CNNM1: variants seen among roughly 807,000 people sequenced by gnomAD.
CNNM1 encodes the protein metal transporter CNNM1.
A neutral mutation model predicts 78.8 loss-of-function variants in CNNM1; 44 were observed. The ratio of observed to expected loss-of-function variants is 0.56; its 90% confidence interval spans 0.44 to 0.72. CNNM1 has a LOEUF of 0.72. Ranked by LOEUF, CNNM1 falls within the 30% of genes least tolerant of loss-of-function variation. The pLI, the probability that CNNM1 is intolerant of heterozygous loss-of-function variation, is 0.00. For missense variants in CNNM1, 1,101 were observed against 1,292.2 expected (o/e 0.85, Z 2.27); for synonymous variants, 584 against 581.5 (o/e 1.00, Z -0.06).
intron 7 of CNNM1, among the ~76,000 whole-genome samples, chr10:99,383,692 C>T (rs151271070): frequency 0.011 from 1,701 of 152,220 alleles, 24 homozygotes; most frequent in Non-Finnish European, 0.018. Context: ...GTAGACATGG[C>T]GCATTCGAGG....
intron 1 of CNNM1, among the ~76,000 whole-genome samples, chr10:99,344,369 A>T (rs1410439900): frequency 2.0e-5 from 3 of 151,346 alleles, no homozygotes; most frequent in African/African-American, 7.3e-5. Flanking sequence ...GGGAATAGTG[A>T]TACTACATTG....
At chr10:99,369,810 A>G (rs2031742141) in intron 6 of CNNM1, among the ~76,000 whole-genome samples, 1 of 152,134 alleles carries the variant, frequency 6.6e-6, no homozygotes, top group Non-Finnish European at 1.5e-5. Flanking sequence ...TGAAATGCCA[A>G]TCTGGTGCCC....
In CNNM1 at chr10:99,368,054, G is replaced by T. The variant is rs540339845; in HGVS notation, c.2176+3052G>T. 3.9e-5 allele frequency among the ~76,000 whole-genome samples: 6 copies of T among 152,334 alleles called. No homozygotes were observed. In the East Asian group the frequency reaches 5.8e-4, roughly 15 times the overall value. ...TCACATTAACACTGCTAGAGATATTGTTCTTCCTTTATCCCTATCCTCTAG... is the reference window on the plus strand; with the variant it reads ...TCACATTAACACTGCTAGAGATATTTTTCTTCCTTTATCCCTATCCTCTAG... On this transcript the variant is annotated intron_variant, in intron 6 of 10. Transcript: ENST00000356713.
rs1190749679 is a variant in CNNM1, at chr10:99,330,298, C to T, written c.911C>T (p.Ser304Leu). 1.3e-6 allele frequency: 2 copies of T among 1,583,964 alleles called. No individual in the cohort carries two copies. The highest frequency in any genetic ancestry group is 2.3e-5 in the East Asian group (1 of 43,588). ...NAALAGWLYT[S>L]LPPGFGGTGE... is the part of the protein sequence containing the mutation. ...GCCCTGGCTGGCTGGCTGTACACCTCGCTGCCGCCGGGCTTCGGGGGCACC... is the reference window on the plus strand; with the variant it reads ...GCCCTGGCTGGCTGGCTGTACACCTTGCTGCCGCCGGGCTTCGGGGGCACC... The change falls in exon 1 of 11, where the codon TCG becomes TTG. Residue 304 changes from serine to leucine, a missense_variant. Coordinates refer to ENST00000356713, the MANE Select transcript of CNNM1 (RefSeq NM_020348.3).
rs772804893 is a variant in CNNM1 at position 99,357,537 on chromosome 10, G to A, written c.1599G>A (p.Gln533=). ...GAAAATCTCACCTGGCCATTGTCCA[G>A]CGGGTGAATAATGAGGGAGAAGGGG... ...KKGKSHLAIV[Q]RVNNEGEGDP... Residue 533 remains glutamine, a synonymous_variant, in exon 2 of 11, where the codon CAG becomes CAA. Transcript: ENST00000356713. The A allele has an allele frequency of 6.2e-7, 1 of 1,613,672 alleles. No homozygotes were observed. Among genetic ancestry groups the A allele is most frequent in the Non-Finnish European group, 8.5e-7 (1 of 1,179,740 alleles).
intron 6 of CNNM1, among the ~76,000 whole-genome samples, chr10:99,365,552 G>T (rs1350432454): frequency 3.3e-5 from 5 of 152,174 alleles, no homozygotes; most frequent in African/African-American, 9.7e-5. Context: ...GCTGTTGGTG[G>T]GGGGCAGGCA....
chr10:99,364,633 A>C, intron 5 of CNNM1, 117 bp downstream of exon 5: 2 of 826,084 alleles, frequency 2.4e-6, no homozygotes, highest in Non-Finnish European at 3.8e-6. Context: ...CAAGCCATTT[A>C]ACTTCCTTGG....
rs1850594331 is a variant in CNNM1 at position 99,330,633 on chromosome 10, A to G, written c.1246A>G (p.Asn416Asp). 6.2e-7 allele frequency: 1 copy of G among 1,613,924 alleles called. No individual in the cohort carries two copies. The change falls in exon 1 of 11, where the codon AAC becomes GAC. Residue 416 changes from asparagine to aspartate, a missense_variant. By Grantham distance (23) the Asn-to-Asp change is conservative. Transcript: ENST00000356713. Reference protein sequence around the residue: ...PYSDLVKEELNIIQGALELRT... With the variant: ...PYSDLVKEELDIIQGALELRT... ...CAGTGACCTGGTGAAGGAGGAGCTC[A>G]ACATCATACAGGGTGCCCTGGAGCT...
Position 99,377,029 on chromosome 10 carries a change from T to G in CNNM1, c.2177-26T>G, listed in dbSNP as rs2031985269. ...TCCTCCCCACCCATCCCTCCTTGTC[T>G]TTTCTCCATCTCTCACCATCTGCAG... On this transcript the variant is annotated intron_variant, in intron 6 of 10. Coordinates refer to ENST00000356713, the MANE Select transcript of CNNM1 (RefSeq NM_020348.3). 4 of 1,397,682 alleles carry G rather than the reference T, an allele frequency of 2.9e-6. No homozygotes were observed. The East Asian group carries it at 1.2e-4, about 43-fold the overall frequency. 86.6% of individuals were successfully genotyped at this position (1,397,682 alleles called of 1,614,324 possible).
In CNNM1 at chr10:99,392,677, A is replaced by G. The variant is rs2032506949; in HGVS notation, c.*1161A>G. The G allele has an allele frequency of 6.6e-6, 1 of 152,238 alleles. No individual in the cohort carries two copies. The highest frequency in any genetic ancestry group is 1.5e-5 in the Non-Finnish European group (1 of 68,066). 9.4% of individuals were successfully genotyped at this position (152,238 alleles called of 1,614,324 possible). On this transcript the variant is annotated 3_prime_UTR_variant, in exon 11 of 11. Coordinates refer to ENST00000356713, the MANE Select transcript of CNNM1 (RefSeq NM_020348.3). ...AGAGTGACCGCGCATACCTGCTTCC[A>G]AGAATAAAACAGTTCTGAAAAGCAA...
intron 6 of CNNM1, among the ~76,000 whole-genome samples, chr10:99,374,885 G>A (rs755936971): frequency 2.0e-5 from 3 of 152,180 alleles, no homozygotes; most frequent in Admixed American, 6.5e-5. Flanking sequence ...TTACTAATAT[G>A]TAATTAATAC....
chr10:99,354,287 T>C (rs2031052223), intron 1 of CNNM1, among the ~76,000 whole-genome samples: 1 of 152,184 alleles, frequency 6.6e-6, no homozygotes, highest in Admixed American at 6.5e-5. Context: ...TTGGCCAAAC[T>C]GGGTAGGATG....
Position 99,364,403 on chromosome 10 carries a change from T to C in CNNM1, c.2029-14T>C. 6.3e-7 allele frequency: 1 copy of C among 1,586,820 alleles called. No homozygotes were observed. ...ATACACATTCATAGTACACTTCCTT[T>C]TTTTTTTTTCCAGGGTAAAGTGGAG... On this transcript the variant is annotated splice_polypyrimidine_tract_variant and intron_variant, in intron 4 of 10. Transcript: ENST00000356713.
At chr10:99,339,325 A>G (rs1201051173) in intron 1 of CNNM1, among the ~76,000 whole-genome samples, 1 of 152,190 alleles carries the variant, frequency 6.6e-6, no homozygotes, top group Admixed American at 6.5e-5. Flanking sequence ...TGAGCTAGGC[A>G]GACATTATGG....
intron 1 of CNNM1, among the ~76,000 whole-genome samples, chr10:99,332,401 T>G (rs985978941): frequency 1.3e-5 from 2 of 152,162 alleles, no homozygotes; most frequent in African/African-American, 4.8e-5. Context: ...TAACTGCATT[T>G]TGTATAAATT....
chr10:99,356,592 G>GAAAGAAAGAAAGAAAGAAAGAAAGA, intron 1 of CNNM1, among the ~76,000 whole-genome samples: 2 of 124,282 alleles, frequency 1.6e-5, no homozygotes, highest in South Asian at 5.4e-4. Context: ...AAGAAAGAAA[G>GAAAGAAAGAAAGAAAGAAAGAAAGA]AAAGAAAGAA....
At chr10:99,354,307 C>T (rs1209263897) in intron 1 of CNNM1, among the ~76,000 whole-genome samples, 1 of 152,066 alleles carries the variant, frequency 6.6e-6, no homozygotes, top group African/African-American at 2.4e-5. Context: ...GTAGTTGTTT[C>T]CAAGAAGGAT....
At chr10:99,387,698 C>G (rs2134083158) in intron 7 of CNNM1, 122 bp from the exon 8 acceptor site, 1 of 968,526 alleles carries the variant, frequency 1.0e-6, no homozygotes, top group Non-Finnish European at 1.5e-6. Context: ...TCGTGGATCT[C>G]AGGCCTCAGA....
At chr10:99,344,752 C>T (rs1261685722) in intron 1 of CNNM1, among the ~76,000 whole-genome samples, 1 of 152,150 alleles carries the variant, frequency 6.6e-6, no homozygotes, top group Admixed American at 6.5e-5. Flanking sequence ...CAAAACTCCT[C>T]AAAGCTCCAA....
Sources: allele counts gnomAD v4.1 joint callset (sites outside exome capture counted in the v4.1 genomes callset), GRCh38; gene constraint gnomAD v4.1.1; transcripts MANE v1.5; gene names NCBI Gene and HGNC (gene_info 2026-07-23, HGNC 2026-07-21).